TLR2: variants seen among roughly 807,000 people sequenced by gnomAD.
The protein encoded by TLR2 is toll-like receptor 2.
A neutral mutation model predicts 9.1 loss-of-function variants in TLR2; 7 were observed. The observed-to-expected ratio is 0.77, with a 90% CI of 0.44 to 1.44. The LOEUF is 1.44. TLR2 is among the 40% of genes most tolerant of loss of function. The pLI, the probability that TLR2 is intolerant of heterozygous loss-of-function variation, is 0.01. For synonymous variants in TLR2, 317 were observed against 344.6 expected, an observed-to-expected ratio of 0.92 and a Z score of 0.89; for missense variants, 812 against 904.6, an observed-to-expected ratio of 0.90 and a Z score of 1.31.
chr4:153,710,466 T>C (rs372721923), downstream of TLR2: 1 of 1,607,766 alleles, frequency 6.2e-7, no homozygotes, highest in African/African-American at 1.3e-5. Flanking sequence ...GATTTGTCCA[T>C]ACAGAAAATG....
At chr4:153,698,824 A>G (rs555174502) in intron 2 of TLR2, among the ~76,000 whole-genome samples, 1 of 152,282 alleles carries the variant, frequency 6.6e-6, no homozygotes, top group South Asian at 2.1e-4. Flanking sequence ...GCTTTTAAAG[A>G]TCTTCTAATT....
At chr4:153,686,107 A>G (rs1248883519) in intron 1 of TLR2, among the ~76,000 whole-genome samples, 2 of 152,218 alleles carry the variant, frequency 1.3e-5, no homozygotes, top group Non-Finnish European at 2.9e-5. Flanking sequence ...ACATTAATCC[A>G]TTTATGAGGG....
At chr4:153,698,482 A>G (rs1268533692) in intron 2 of TLR2, among the ~76,000 whole-genome samples, 3 of 152,184 alleles carry the variant, frequency 2.0e-5, no homozygotes, top group African/African-American at 7.2e-5. Context: ...GGCCTCATGG[A>G]TCAGACAGCT....
At chr4:153,691,718 G>C (rs781490118) in intron 2 of TLR2, among the ~76,000 whole-genome samples, 2 of 152,170 alleles carry the variant, frequency 1.3e-5, no homozygotes, top group Admixed American at 6.5e-5. Flanking sequence ...GGAATGCCTA[G>C]AGCAGGTCAT....
At chr4:153,694,427 A>C (rs1163846777) in intron 2 of TLR2, among the ~76,000 whole-genome samples, 1 of 152,266 alleles carries the variant, frequency 6.6e-6, no homozygotes, top group Non-Finnish European at 1.5e-5. Flanking sequence ...TGTTCCCAAC[A>C]GTGGACAAAG....
At chr4:153,694,311 A>G (rs1736335622) in intron 2 of TLR2, among the ~76,000 whole-genome samples, 1 of 152,170 alleles carries the variant, frequency 6.6e-6, no homozygotes, top group Non-Finnish European at 1.5e-5. Context: ...CAGTAAACCC[A>G]CAACCTTCAG....
At chr4:153,685,239 ACAACTTCTT>A (rs1367753019) in intron 1 of TLR2, among the ~76,000 whole-genome samples, 1 of 152,240 alleles carries the variant, frequency 6.6e-6, no homozygotes, top group Non-Finnish European at 1.5e-5. Context: ...AGTGCCCTTT[ACAACTTCTT>A]CAACTTCTAT....
intron 2 of TLR2, among the ~76,000 whole-genome samples, chr4:153,701,042 A>G (rs2127055329): frequency 6.6e-6 from 1 of 152,366 alleles, no homozygotes; most frequent in South Asian, 2.1e-4. Flanking sequence ...GAATATCTTT[A>G]TGAAAATACA....
At chr4:153,706,269 A>T (rs972530248), downstream of TLR2, among the ~76,000 whole-genome samples, 1 of 152,220 alleles carries the variant, frequency 6.6e-6, no homozygotes, top group Non-Finnish European at 1.5e-5. Context: ...CACTTCCCAC[A>T]TCCGGACTCT....
intron 2 of TLR2, among the ~76,000 whole-genome samples, chr4:153,700,913 A>G (rs182841766): frequency 9.2e-5 from 14 of 152,298 alleles, no homozygotes; most frequent in African/African-American, 3.1e-4. Context: ...AAACAAGTTA[A>G]TTGAACATCC....
Position 153,703,179 on chromosome 4 carries a change from T to G in TLR2, c.272T>G (p.Ile91Arg). The G allele has an allele frequency of 6.2e-7, 1 of 1,614,226 alleles. No individual in the cohort carries two copies. Among genetic ancestry groups the G allele is most frequent in the Non-Finnish European group, 8.5e-7 (1 of 1,180,042 alleles). Reference protein sequence around the residue: ...LVLTSNGINTIEEDSFSSLGS... With the variant: ...LVLTSNGINTREEDSFSSLGS... ...CTGACATCCAATGGAATTAACACAATAGAGGAAGATTCTTTTTCTTCCCTG... is the reference window on the plus strand; with the variant it reads ...CTGACATCCAATGGAATTAACACAAGAGAGGAAGATTCTTTTTCTTCCCTG... Residue 91 changes from isoleucine (I) to arginine (R), a missense_variant, in exon 3 of 3, where the codon ATA becomes AGA. Coordinates refer to ENST00000642700, the MANE Select transcript of TLR2 (RefSeq NM_001318789.2).
chr4:153,690,222 C>G (rs1189119969), intron 2 of TLR2, among the ~76,000 whole-genome samples: 1 of 152,174 alleles, frequency 6.6e-6, no homozygotes, highest in East Asian at 1.9e-4. Flanking sequence ...TAGGCAGGCT[C>G]AAAAAATTTA....
intron 2 of TLR2, among the ~76,000 whole-genome samples, chr4:153,693,953 C>T (rs1220277651): frequency 6.6e-6 from 1 of 152,168 alleles, no homozygotes; most frequent in African/African-American, 2.4e-5. Flanking sequence ...GACCCTAACC[C>T]AGCAGTGCTA....
chr4:153,695,898 C>G (rs1459411517), intron 2 of TLR2, among the ~76,000 whole-genome samples: 1 of 152,116 alleles, frequency 6.6e-6, no homozygotes, highest in African/African-American at 2.4e-5. Context: ...ATATGGATAT[C>G]TACTTTTCCC....
At position 153,705,362 on chromosome 4, in the gene TLR2, G is replaced by A; in HGVS notation, c.*100G>A. ...ATAATTATATAAAAACTACGTGGAT[G>A]TACCGTCATTTGAGGACTTGCTTAC... On this transcript the variant is annotated 3_prime_UTR_variant, in exon 3 of 3. Transcript: ENST00000642700. The A allele has an allele frequency of 2.3e-6, 3 of 1,284,688 alleles. No homozygotes were observed. The highest frequency in any genetic ancestry group is 2.1e-6 in the Non-Finnish European group (2 of 964,630). The allele number at this position is 1,284,688 out of a possible 1,614,324, so 79.6% of individuals were successfully genotyped here.
downstream of TLR2, chr4:153,710,423 T>C: frequency 1.3e-6 from 2 of 1,586,666 alleles, no homozygotes; most frequent in Middle Eastern, 1.7e-4. Flanking sequence ...TCACCACAGG[T>C]TGCCAGGCCA....
At chr4:153,695,562 A>G (rs745545136) in intron 2 of TLR2, among the ~76,000 whole-genome samples, 3 of 152,188 alleles carry the variant, frequency 2.0e-5, no homozygotes, top group African/African-American at 4.8e-5. Flanking sequence ...ATCTCCTTAT[A>G]TATTCTGGTT....
chr4:153,686,242 A>G (rs1471494139), intron 1 of TLR2, among the ~76,000 whole-genome samples: 1 of 152,184 alleles, frequency 6.6e-6, no homozygotes, highest in Non-Finnish European at 1.5e-5. Context: ...ACAAACAAAC[A>G]AACAAAAATT....
At chr4:153,708,559 C>T (rs997250661), downstream of TLR2, among the ~76,000 whole-genome samples, 6 of 152,196 alleles carry the variant, frequency 3.9e-5, no homozygotes, top group Non-Finnish European at 8.8e-5. Flanking sequence ...AAAATCAGTT[C>T]GGTAGACAGC....
Sources: allele counts gnomAD v4.1 joint callset (sites outside exome capture counted in the v4.1 genomes callset), GRCh38; gene constraint gnomAD v4.1.1; transcripts MANE v1.5; gene names NCBI Gene and HGNC (gene_info 2026-07-23, HGNC 2026-07-21).